The following TLE2 variants were observed in gnomAD, a reference collection of about 807,000 sequenced individuals.
The protein encoded by TLE2 is TLE family member 2, transcriptional corepressor.
Under a neutral mutation model 97.2 loss-of-function variants are expected in TLE2, and 74 were observed. The ratio of observed to expected loss-of-function variants is 0.76; its 90% CI spans 0.63 to 0.92. The LOEUF (loss-of-function observed/expected upper bound fraction) is 0.92. Ranked by LOEUF, TLE2 falls within the 40% of genes least tolerant of loss-of-function variation. The pLI is 0.00. For missense variants in TLE2, 1,038 were observed against 1,008.7 expected, an observed-to-expected ratio of 1.03 and a Z score of -0.39; for synonymous variants, 499 against 432.1, an observed-to-expected ratio of 1.15 and a Z score of -1.92.
At chr19:3,038,172 C>T (rs2090075178) in intron 1 of TLE2, among the ~76,000 whole-genome samples, 1 of 151,960 alleles carries the variant, frequency 6.6e-6, no homozygotes, top group Non-Finnish European at 1.5e-5. Flanking sequence ...GTAAATGCTC[C>T]ATAAAGGGTA....
chr19:3,037,706 G>A (rs60786926), intron 1 of TLE2, among the ~76,000 whole-genome samples: 14,818 of 152,148 alleles, frequency 0.097, 2,423 homozygotes, highest in African/African-American at 0.33. Context: ...TGGGCGGCTG[G>A]GGGAGAAGTC....
chr19:3,019,740 C>T lies in TLE2; in HGVS notation c.328G>A (p.Ala110Thr), dbSNP rs368472765. ...AGCTCCCCCACGGTGACCTGCTTGG[C>T]GCGTTCTACGGCCTGGAGCACCTGC... The part of the protein sequence containing the change: ...QQQVLQAVER[A>T]KQVTVGELNS... Residue 110 changes from alanine (A) to threonine (T), a missense_variant, in exon 6 of 20, where the codon GCC becomes ACC. Coordinates refer to ENST00000262953, the MANE Select transcript of TLE2 (RefSeq NM_003260.5). The surrounding 1 kb of genome is among the most constrained non-coding windows in gnomAD (Gnocchi z 5.1). 10 of 1,613,080 alleles carry T rather than the reference C, an allele frequency of 6.2e-6. No individual in the cohort carries two copies. In the East Asian group the frequency reaches 8.9e-5, roughly 14 times the overall value.
chr19:3,006,428 C>G lies in TLE2; in HGVS notation c.1492G>C (p.Asp498His). Reference sequence around the variant, plus strand: ...TCCCACCCCGCCCTCACCAGGCAGTCGAGCTGGGCCACGGGCGTCTTGGCC... The same window carrying G: ...TCCCACCCCGCCCTCACCAGGCAGTGGAGCTGGGCCACGGGCGTCTTGGCC... ...PGAKTPVAQL[D>H]CLNRDNYIRS... Residue 498 changes from aspartate (D) to histidine (H), a missense_variant, in exon 15 of 20, where the codon GAC (aspartate) becomes CAC (histidine). Transcript: ENST00000262953. 1.9e-6 allele frequency: 3 copies of G among 1,609,962 alleles called. No homozygotes were observed. Among genetic ancestry groups the G allele is most frequent in the Non-Finnish European group, 2.5e-6 (3 of 1,179,380 alleles).
Position 3,019,508 on chromosome 19 carries a change from A to C in TLE2, c.370-45T>G, listed in dbSNP as rs1371117137. On this transcript the variant is annotated intron_variant, in intron 6 of 19. Coordinates refer to ENST00000262953, the MANE Select transcript of TLE2 (RefSeq NM_003260.5). This position sits in a 1 kb window ranked among gnomAD's most constrained non-coding sequence, Gnocchi z 5.1. Reference sequence around the variant, plus strand: ...ATGGGCCGGGGCGGGGGGCGGCAGGAGCCCAGCGGTCCCCAGCCCAAGAGG... The same window carrying C: ...ATGGGCCGGGGCGGGGGGCGGCAGGCGCCCAGCGGTCCCCAGCCCAAGAGG... 6.7e-6 allele frequency: 10 copies of C among 1,482,944 alleles called. No homozygotes were observed. Among genetic ancestry groups the C allele is most frequent in the Non-Finnish European group, 8.9e-6 (10 of 1,119,832 alleles). 91.9% of individuals were successfully genotyped at this position (1,482,944 alleles called of 1,614,324 possible). A position where few individuals can be genotyped will look rare whatever the true frequency, so the allele number is the denominator to read the frequency against.
intron 19 of TLE2, among the ~76,000 whole-genome samples, chr19:3,000,017 A>G (rs965166384): frequency 6.6e-6 from 1 of 150,810 alleles, no homozygotes; most frequent in African/African-American, 2.4e-5. Context: ...TGGGAGACAG[A>G]GCAAGATTCT....
chr19:3,027,857 T>G lies in TLE2; in HGVS notation c.203A>C (p.Tyr68Ser). ...RHYVMYYEMS[Y>S]GLNIEMHKQA... Reference sequence around the variant, plus strand: ...CTTATGCATTTCAATGTTGAGCCCGTACGACATCTCATAATACTGCAAAGG... The same window carrying G: ...CTTATGCATTTCAATGTTGAGCCCGGACGACATCTCATAATACTGCAAAGG... The change falls in exon 4 of 20, where the codon TAC (tyrosine) becomes TCC (serine). Residue 68 changes from tyrosine (Y) to serine (S), a missense_variant. Coordinates refer to ENST00000262953, the MANE Select transcript of TLE2 (RefSeq NM_003260.5). The G allele has an allele frequency of 1.2e-6, 2 of 1,611,538 alleles. No individual in the cohort carries two copies. Among genetic ancestry groups the G allele is most frequent in the Non-Finnish European group, 1.7e-6 (2 of 1,179,042 alleles).
intron 1 of TLE2, among the ~76,000 whole-genome samples, chr19:3,041,609 T>C (rs1261726500): frequency 6.6e-6 from 1 of 152,110 alleles, no homozygotes. Flanking sequence ...CTTGCTAGAT[T>C]TTTCTTCCTA....
intron 14 of TLE2, among the ~76,000 whole-genome samples, chr19:3,007,282 C>T (rs528444656): frequency 6.4e-4 from 97 of 151,742 alleles, no homozygotes; most frequent in Non-Finnish European, 1.2e-3. Context: ...TAGAGATGGG[C>T]TTTCACCATG....
upstream of TLE2, among the ~76,000 whole-genome samples, chr19:3,031,432 ATC>A (rs1446545227): frequency 6.6e-6 from 1 of 150,640 alleles, no homozygotes; most frequent in Non-Finnish European, 1.5e-5. Flanking sequence ...ATCCAAACTC[ATC>A]TCTCTTCCCA....
At chr19:3,025,115 G>C (rs377624386) in intron 4 of TLE2, 33 bp from the exon 5 acceptor site, 1 of 1,579,476 alleles carries the variant, frequency 6.3e-7, no homozygotes, top group Non-Finnish European at 8.6e-7. Flanking sequence ...AGCTTGGAGC[G>C]GGGTAGAGAT....
In TLE2 at chr19:3,028,939, G is replaced by A; in HGVS notation, c.-35C>T. On this transcript the variant is annotated 5_prime_UTR_variant, in exon 1 of 20. Coordinates refer to ENST00000262953, the MANE Select transcript of TLE2 (RefSeq NM_003260.5). ...CCGAAAAGCCCCCCAGGCGCCACCA[G>A]AGCTTGATGATATGGAGGCGGCAAG... The A allele has an allele frequency of 6.2e-7, 1 of 1,603,886 alleles. No homozygotes were observed. The highest frequency in any genetic ancestry group is 8.5e-7 in the Non-Finnish European group (1 of 1,176,342).
chr19:3,020,461 T>G (rs967186881), intron 5 of TLE2: 1 of 150,558 alleles, frequency 6.6e-6, no homozygotes, highest in Non-Finnish European at 1.5e-5. Context: ...AAAAAAACAC[T>G]GTGATAAATC....
chr19:3,009,427 G>A (rs2145140063), intron 13 of TLE2, 115 bp downstream of exon 13: 13 of 1,288,170 alleles, frequency 1.0e-5, no homozygotes, highest in Non-Finnish European at 1.3e-5. Context: ...TGCTGAGCCA[G>A]GGCTCCCTTC....
intron 5 of TLE2, among the ~76,000 whole-genome samples, chr19:3,023,117 C>T (rs1382124652): frequency 1.3e-5 from 2 of 149,528 alleles, no homozygotes; most frequent in African/African-American, 2.5e-5. Context: ...TGCAATGGTG[C>T]GAACTCGGCT....
At chr19:3,018,157 G>A (rs2089755248) in intron 7 of TLE2, among the ~76,000 whole-genome samples, 1 of 152,020 alleles carries the variant, frequency 6.6e-6, no homozygotes, top group African/African-American at 2.4e-5. Context: ...TACGAGTTGG[G>A]GTCTTGCTCT....
chr19:3,016,070 G>C (rs2089696771), intron 8 of TLE2, among the ~76,000 whole-genome samples: 1 of 151,816 alleles, frequency 6.6e-6, no homozygotes, highest in Admixed American at 6.6e-5. Context: ...CCCAGTAGCT[G>C]GGATTACAGG....
At chr19:3,041,530 G>A (rs917624783) in intron 1 of TLE2, among the ~76,000 whole-genome samples, 7 of 152,082 alleles carry the variant, frequency 4.6e-5, no homozygotes, top group Non-Finnish European at 7.4e-5. Flanking sequence ...CGGCTCAAAT[G>A]TCACCTCCTC....
chr19:2,998,542 T>C (rs1027250611), intron 19 of TLE2, among the ~76,000 whole-genome samples: 2 of 151,936 alleles, frequency 1.3e-5, no homozygotes, highest in African/African-American at 4.8e-5. Context: ...TCTCCCAAAG[T>C]GTTGAGATTA....
At chr19:3,023,764 C>T (rs1400930800) in intron 5 of TLE2, among the ~76,000 whole-genome samples, 7 of 151,484 alleles carry the variant, frequency 4.6e-5, no homozygotes, top group African/African-American at 1.5e-4. Flanking sequence ...TGGTGGTGCA[C>T]GCCTGTAATC....
Sources: allele counts gnomAD v4.1 joint callset (sites outside exome capture counted in the v4.1 genomes callset), GRCh38; gene constraint gnomAD v4.1.1; non-coding constraint Gnocchi (gnomAD v3.1); transcripts MANE v1.5; gene names NCBI Gene and HGNC (gene_info 2026-07-23, HGNC 2026-07-21).